ZNF664: variants seen among roughly 807,000 people sequenced by gnomAD.
The protein encoded by ZNF664 is zinc finger Organ of Corti 1.
A neutral mutation model predicts 18.2 loss-of-function variants in ZNF664; 10 were observed. The observed-to-expected ratio is 0.55, with a 90% CI of 0.34 to 0.93. ZNF664 has a LOEUF of 0.93. ZNF664 is among the 40% of genes least tolerant of loss of function. The probability of loss-of-function intolerance (pLI) is 0.02; values close to 1 mark genes in which losing one functional copy is unlikely to be tolerated. For synonymous variants in ZNF664, 119 were observed against 104.2 expected, an observed-to-expected ratio of 1.14 and a Z score of -0.86; for missense variants, 193 against 319.0, an observed-to-expected ratio of 0.61 and a Z score of 3.01.
At chr12:123,973,766 G>T in intron 1 of ZNF664, 120 bp from the exon 2 acceptor site, 4 of 1,226,920 alleles carry the variant, frequency 3.3e-6, no homozygotes, top group Non-Finnish European at 4.1e-6. Context: ...CGCCCGTGGA[G>T]CCGCGTCTTG....
intron 3 of ZNF664, among the ~76,000 whole-genome samples, chr12:124,002,818 G>A (rs942869368): frequency 6.6e-6 from 1 of 152,002 alleles, no homozygotes; most frequent in Admixed American, 6.5e-5. Flanking sequence ...AGATAAAAAT[G>A]GGAGCCAACA....
intron 4 of ZNF664, 52 bp from the exon 5 acceptor site, chr12:124,011,494 A>C (rs1399068401): frequency 1.3e-6 from 1 of 799,546 alleles, no homozygotes; most frequent in African/African-American, 1.9e-5. Flanking sequence ...AATCAATAGC[A>C]GTTTTCCAGA....
At chr12:123,981,438 A>C (rs1241419138) in intron 2 of ZNF664, among the ~76,000 whole-genome samples, 2 of 152,186 alleles carry the variant, frequency 1.3e-5, no homozygotes, top group Non-Finnish European at 2.9e-5. Context: ...CTTTATAAAA[A>C]GAAAAGAGAT....
rs1957174492 is a variant in ZNF664, at chr12:124,014,886, C to T, written c.*1956C>T. 6.0e-6 allele frequency: 1 copy of T among 166,972 alleles called. No homozygotes were observed. The highest frequency in any genetic ancestry group is 1.5e-5 in the Non-Finnish European group (1 of 68,128). The allele number at this position is 166,972 out of a possible 1,614,324, so 10.3% of individuals were successfully genotyped here. A position where few individuals can be genotyped will look rare whatever the true frequency, so the allele number is the denominator to read the frequency against. ...CTGGATTTTAATCCAGACATCTCTG[C>T]TAACAAGCCTTTGGTAAGTCACTTC... is the stretch of plus-strand genomic sequence containing the variant. On this transcript the variant is annotated 3_prime_UTR_variant, in exon 5 of 5. Coordinates refer to ENST00000337815, the MANE Select transcript of ZNF664 (RefSeq NM_152437.3).
intron 3 of ZNF664, among the ~76,000 whole-genome samples, chr12:124,003,896 TTAAA>T (rs1957041408): frequency 6.6e-6 from 1 of 152,154 alleles, no homozygotes; most frequent in South Asian, 2.1e-4. Context: ...TGGTCGTGAG[TTAAA>T]TAAACCTGGC....
intron 2 of ZNF664, among the ~76,000 whole-genome samples, chr12:123,976,096 A>G (rs578083870): frequency 6.6e-6 from 1 of 152,284 alleles, no homozygotes; most frequent in African/African-American, 2.4e-5. Flanking sequence ...TGGCCAGCAA[A>G]ATCAACTTAT....
At chr12:123,977,894 G>T (rs370746552) in intron 2 of ZNF664, among the ~76,000 whole-genome samples, 1 of 152,178 alleles carries the variant, frequency 6.6e-6, no homozygotes, top group Non-Finnish European at 1.5e-5. Context: ...TAAAGAAAAT[G>T]TAAGTAAATA....
chr12:124,001,238 T>C (rs1957008177), intron 3 of ZNF664, among the ~76,000 whole-genome samples: 1 of 152,244 alleles, frequency 6.6e-6, no homozygotes, highest in Non-Finnish European at 1.5e-5. Context: ...CCAACCCAAA[T>C]GACTAAGATG....
At chr12:123,997,472 C>T (rs1490738857) in intron 3 of ZNF664, among the ~76,000 whole-genome samples, 1 of 152,208 alleles carries the variant, frequency 6.6e-6, no homozygotes, top group African/African-American at 2.4e-5. Flanking sequence ...AATCCTTTGC[C>T]TCTTCCTAGC....
intron 2 of ZNF664, among the ~76,000 whole-genome samples, chr12:123,985,697 C>G (rs1956816147): frequency 6.6e-6 from 1 of 152,196 alleles, no homozygotes; most frequent in African/African-American, 2.4e-5. Context: ...GCCAGGCGTA[C>G]AGTTTAAGCA....
intron 3 of ZNF664, among the ~76,000 whole-genome samples, chr12:123,995,972 G>A (rs1237477898): frequency 3.3e-5 from 5 of 152,268 alleles, no homozygotes; most frequent in Non-Finnish European, 5.9e-5. Context: ...CATTATTGCC[G>A]CATAGAGAGG....
chr12:123,982,711 G>A (rs1956780189), intron 2 of ZNF664, among the ~76,000 whole-genome samples: 1 of 152,242 alleles, frequency 6.6e-6, no homozygotes, highest in Admixed American at 6.5e-5. Context: ...CTAGAAGGGA[G>A]TGCAGACGAG....
At chr12:123,982,212 A>C (rs1956773054) in intron 2 of ZNF664, among the ~76,000 whole-genome samples, 1 of 152,224 alleles carries the variant, frequency 6.6e-6, no homozygotes, top group South Asian at 2.1e-4. Context: ...CTGGCTGTTA[A>C]TAGTATGGCT....
rs1315702382 is a variant in ZNF664, at chr12:124,012,867, C to T, written c.723C>T (p.Ser241=). ...GAAAGGCCTTCAGTCAGAGTACGAGCCTCTGCATCCACCAGAGAGTCCACA... is the reference window on the plus strand; with the variant it reads ...GAAAGGCCTTCAGTCAGAGTACGAGTCTCTGCATCCACCAGAGAGTCCACA... The part of the protein sequence containing the change: ...ECGKAFSQST[S]LCIHQRVHTK... The change falls in exon 5 of 5, where the codon AGC becomes AGT. Residue 241 remains serine (S), a synonymous_variant. Transcript: ENST00000337815. 8 of 1,613,912 alleles carry T rather than the reference C, an allele frequency of 5.0e-6. No individual in the cohort carries two copies. The highest frequency in any genetic ancestry group is 3.3e-5 in the Admixed American group (2 of 59,996).
chr12:123,988,851 A>G (rs1250441203), intron 3 of ZNF664, among the ~76,000 whole-genome samples: 1 of 152,162 alleles, frequency 6.6e-6, no homozygotes, highest in African/African-American at 2.4e-5. Context: ...TCATTGCTGA[A>G]ATCCAGAATA....
intron 3 of ZNF664, chr12:123,997,943 A>G (rs1455471697): frequency 2.0e-5 from 3 of 152,360 alleles, no homozygotes; most frequent in East Asian, 1.9e-4. Context: ...GAAGGAAAAA[A>G]TACGTGTTAA....
intron 3 of ZNF664, among the ~76,000 whole-genome samples, chr12:124,008,559 T>G (rs1957099439): frequency 6.6e-6 from 1 of 152,182 alleles, no homozygotes; most frequent in African/African-American, 2.4e-5. Context: ...TGAAAGAGAG[T>G]TCATAGAGGA....
chr12:123,993,124 C>T (rs901158495), intron 3 of ZNF664, among the ~76,000 whole-genome samples: 1 of 152,140 alleles, frequency 6.6e-6, no homozygotes, highest in African/African-American at 2.4e-5. Context: ...TTGGCGAAGT[C>T]AGAGAAGGAC....
At chr12:123,997,341 C>T (rs1290840181) in intron 3 of ZNF664, among the ~76,000 whole-genome samples, 2 of 152,150 alleles carry the variant, frequency 1.3e-5, no homozygotes, top group African/African-American at 4.8e-5. Context: ...GCTGCTGTAA[C>T]AAAGTACCAC....
Sources: allele counts gnomAD v4.1 joint callset (sites outside exome capture counted in the v4.1 genomes callset), GRCh38; gene constraint gnomAD v4.1.1; transcripts MANE v1.5; gene names NCBI Gene and HGNC (gene_info 2026-07-23, HGNC 2026-07-21).